DYDC1: variants seen among roughly 807,000 people sequenced by gnomAD.
The protein encoded by DYDC1 is DPY30 domain containing 1, also known as DPY30 domain-containing protein 1.
In DYDC1, 21 loss-of-function variants were observed where a neutral mutation model predicts 27.9. That is an observed-to-expected ratio of 0.75 (90% CI 0.53 to 1.08). DYDC1 has a LOEUF of 1.08. Ranked by LOEUF, DYDC1 falls within the 50% of genes least tolerant of loss-of-function variation. The pLI is 0.00. For missense variants in DYDC1, 202 were observed against 205.9 expected (o/e 0.98, Z 0.12); for synonymous variants, 67 against 65.8 (o/e 1.02, Z -0.09).
rs529838719 is a variant in DYDC1 at position 80,337,465 on chromosome 10, C to T, written c.504+1002G>A. 91 of 981,626 alleles carry T rather than the reference C, an allele frequency of 9.3e-5. 1 individual carries two copies. In the South Asian group the frequency reaches 3.8e-3, roughly 41 times the overall value. 60.8% of individuals were successfully genotyped at this position (981,626 alleles called of 1,614,324 possible). A position where few individuals can be genotyped will look rare whatever the true frequency, so the allele number is the denominator to read the frequency against. On this transcript the variant is annotated intron_variant, in intron 6 of 6. Coordinates refer to ENST00000372202, the MANE Select transcript of DYDC1 (RefSeq NM_001269053.2). ...CCTAGATTACTACCTCCTAAGCCAT[C>T]TCCTGACACCTACTTCTCCATTTTC...
At chr10:80,343,323 G>A (rs1284126874) in intron 3 of DYDC1, among the ~76,000 whole-genome samples, 1 of 152,214 alleles carries the variant, frequency 6.6e-6, no homozygotes, top group Non-Finnish European at 1.5e-5. Flanking sequence ...CCATAGCAGA[G>A]TGTAGTAGTT....
chr10:80,339,572 C>A (rs1018333988), intron 4 of DYDC1, among the ~76,000 whole-genome samples: 1 of 152,052 alleles, frequency 6.6e-6, no homozygotes, highest in Non-Finnish European at 1.5e-5. Context: ...TAATCTGGCC[C>A]AATGCACAAG....
At chr10:80,341,105 G>A (rs1338331767) in intron 4 of DYDC1, among the ~76,000 whole-genome samples, 1 of 151,886 alleles carries the variant, frequency 6.6e-6, no homozygotes, top group Non-Finnish European at 1.5e-5. Flanking sequence ...TTTAATTATG[G>A]AATAAAAAGG....
In DYDC1 at chr10:80,354,129, A is replaced by AAAT. The variant is rs1554846404; in HGVS notation, c.-9-1520_-9-1519insATT. ...AGACTCTGTCTCATATATAAAAAAA[A>AAAT]ATATATATATATATATTTTTTCCTG... On this transcript the variant is annotated intron_variant, in intron 1 of 6. Transcript: ENST00000372202. 4.9e-4 allele frequency among the ~76,000 whole-genome samples: 73 copies of AAAT among 147,674 alleles called. 2 individuals are homozygous for AAAT. The highest frequency in any genetic ancestry group is 3.6e-3 in the South Asian group (17 of 4,704).
intron 1 of DYDC1, 83 bp from the exon 2 acceptor site, chr10:80,352,693 G>T: frequency 6.9e-7 from 1 of 1,441,824 alleles, no homozygotes; most frequent in Non-Finnish European, 9.1e-7. Flanking sequence ...GGTGAACAAA[G>T]CCTTACATAC....
chr10:80,339,157 T>A lies in DYDC1; in HGVS notation c.343-4A>T. 1 of 1,195,872 alleles carries A rather than the reference T, an allele frequency of 8.4e-7. No homozygotes were observed. The highest frequency in any genetic ancestry group is 1.1e-6 in the Non-Finnish European group (1 of 875,016). The allele number at this position is 1,195,872 out of a possible 1,614,324, so 74.1% of individuals were successfully genotyped here. On this transcript the variant is annotated splice_region_variant and splice_polypyrimidine_tract_variant and intron_variant, in intron 4 of 6. Transcript: ENST00000372202. ...TTTCCATATTCATTCTCATCTCCTA[T>A]AATATATAAAAATTAAGAAAATACT...
intron 3 of DYDC1, among the ~76,000 whole-genome samples, chr10:80,351,220 T>G (rs1842954544): frequency 6.6e-6 from 1 of 152,050 alleles, no homozygotes; most frequent in Admixed American, 6.6e-5. Flanking sequence ...AGAAGGTGCT[T>G]CCACCAACAC....
chr10:80,343,636 A>C (rs1842442131), intron 3 of DYDC1, among the ~76,000 whole-genome samples: 1 of 151,990 alleles, frequency 6.6e-6, no homozygotes. Flanking sequence ...AAAAAAAGAA[A>C]AATAGTGAAT....
intron 6 of DYDC1, chr10:80,336,410 T>C: frequency 2.2e-6 from 2 of 928,498 alleles, no homozygotes; most frequent in Non-Finnish European, 2.6e-6. Flanking sequence ...CTATGCATTC[T>C]CATCCTTCTT....
intron 3 of DYDC1, among the ~76,000 whole-genome samples, chr10:80,342,924 T>G (rs1842387334): frequency 7.1e-6 from 1 of 141,218 alleles, no homozygotes; most frequent in African/African-American, 2.7e-5. Flanking sequence ...GAGGTTGCAG[T>G]GAGCCGAGAT....
intron 6 of DYDC1, chr10:80,337,277 C>T: frequency 1.0e-6 from 1 of 985,472 alleles, no homozygotes; most frequent in Non-Finnish European, 1.2e-6. Flanking sequence ...AGGGCAGAAG[C>T]CCAATCCATT....
At chr10:80,340,808 T>A (rs1842293503) in intron 4 of DYDC1, among the ~76,000 whole-genome samples, 1 of 152,246 alleles carries the variant, frequency 6.6e-6, no homozygotes, top group Admixed American at 6.5e-5. Context: ...GAGATATCCA[T>A]CACCTTAAAC....
intron 1 of DYDC1, among the ~76,000 whole-genome samples, chr10:80,354,119 T>TAC (rs1843185919): frequency 7.1e-6 from 1 of 141,528 alleles, no homozygotes; most frequent in Non-Finnish European, 1.5e-5. Flanking sequence ...CTGTCTCATA[T>TAC]ATAAAAAAAA....
At chr10:80,355,494 A>G (rs1843312509) in intron 1 of DYDC1, among the ~76,000 whole-genome samples, 1 of 152,110 alleles carries the variant, frequency 6.6e-6, no homozygotes, top group African/African-American at 2.4e-5. Context: ...ATCCTATCTC[A>G]AAGATATAGT....
chr10:80,347,608 C>T (rs958031255), intron 3 of DYDC1, among the ~76,000 whole-genome samples: 3 of 152,118 alleles, frequency 2.0e-5, no homozygotes, highest in African/African-American at 7.2e-5. Flanking sequence ...GGTCTTTAAT[C>T]TATTTTGAAC....
chr10:80,344,270 CAT>C (rs979956754), intron 3 of DYDC1, among the ~76,000 whole-genome samples: 1 of 152,136 alleles, frequency 6.6e-6, no homozygotes, highest in Non-Finnish European at 1.5e-5. Context: ...TGAATTAAAA[CAT>C]GTTTTATTTC....
At chr10:80,339,934 C>T (rs998223547) in intron 4 of DYDC1, among the ~76,000 whole-genome samples, 2 of 152,198 alleles carry the variant, frequency 1.3e-5, no homozygotes, top group African/African-American at 4.8e-5. Flanking sequence ...TAGGACTATG[C>T]TCCCCTGCCA....
intron 3 of DYDC1, among the ~76,000 whole-genome samples, chr10:80,348,136 G>C (rs1842778934): frequency 6.6e-6 from 1 of 152,082 alleles, no homozygotes; most frequent in Non-Finnish European, 1.5e-5. Context: ...TTTTGCATTA[G>C]TGTTTTACAG....
chr10:80,336,213 C>A lies in DYDC1; in HGVS notation c.505-28G>T, dbSNP rs748051138. The stretch of plus-strand genomic sequence containing the variant: ...AAAAGCAAAACAAAAAGTAAATATT[C>A]CTTAATACAATTAGAACTGTGAAAA... On this transcript the variant is annotated intron_variant, in intron 6 of 6. Transcript: ENST00000372202. The A allele has an allele frequency of 1.9e-6, 3 of 1,560,916 alleles. No individual in the cohort carries two copies. The South Asian group carries it at 3.7e-5, about 19-fold the overall frequency.
Sources: gnomAD v4.1 joint callset for allele counts (sites outside exome capture counted in the v4.1 genomes callset) on GRCh38, gnomAD v4.1.1 for gene constraint, MANE v1.5 for transcripts, NCBI Gene and HGNC (gene_info 2026-07-23, HGNC 2026-07-21) for gene names.